SNTG1: variants seen among roughly 807,000 people sequenced by gnomAD.
SNTG1 encodes gamma-1-syntrophin.
SNTG1 carries 39 observed loss-of-function variants against 74.7 expected under a neutral mutation model. The observed-to-expected ratio is 0.52, with a 90% CI of 0.40 to 0.68. SNTG1 has a LOEUF of 0.68. Ranked by LOEUF, SNTG1 falls within the 30% of genes least tolerant of loss-of-function variation. The probability of loss-of-function intolerance (pLI) is 0.00; values close to 1 mark genes in which losing one functional copy is unlikely to be tolerated. For missense variants in SNTG1, 685 were observed against 609.5 expected, an observed-to-expected ratio of 1.12 and a Z score of -1.30; for synonymous variants, 254 against 217.1, an observed-to-expected ratio of 1.17 and a Z score of -1.49.
At chr8:50,176,680 G>C (rs1376725396) in intron 2 of SNTG1, among the ~76,000 whole-genome samples, 1 of 152,126 alleles carries the variant, frequency 6.6e-6, no homozygotes, top group African/African-American at 2.4e-5. Flanking sequence ...TGTGATCTCA[G>C]GATTAACTGG....
Position 50,725,649 on chromosome 8 carries a change from A to C in SNTG1, c.1284+16671A>C, listed in dbSNP as rs190039347. The stretch of plus-strand genomic sequence containing the variant: ...CCCCGTTGAAAGATTGCCTGATGCC[A>C]GAGGACAGGTTGCAGCAAGCAGGCT... On this transcript the variant is annotated intron_variant, in intron 17 of 18. Coordinates refer to ENST00000642720, the MANE Select transcript of SNTG1 (RefSeq NM_018967.5). 9.1e-4 allele frequency among the ~76,000 whole-genome samples: 138 copies of C among 152,260 alleles called. 2 individuals carry two copies. The highest frequency in any genetic ancestry group is 6.8e-3 in the Middle Eastern group (2 of 294).
intron 13 of SNTG1, among the ~76,000 whole-genome samples, chr8:50,626,818 TGGCCAGTTTTGG>T (rs1489455484): frequency 6.6e-6 from 1 of 152,180 alleles, no homozygotes; most frequent in African/African-American, 2.4e-5. Context: ...ATTTTGTTTA[TGGCCAGTTTTGG>T]GGCCAGTTTT....
At chr8:50,136,808 C>CACA (rs1050354906) in intron 1 of SNTG1, among the ~76,000 whole-genome samples, 1 of 152,248 alleles carries the variant, frequency 6.6e-6, no homozygotes, top group African/African-American at 2.4e-5. Flanking sequence ...CATGGCAACT[C>CACA]ACAGGGACTC....
At chr8:50,191,015 C>T (rs1396541100) in intron 2 of SNTG1, among the ~76,000 whole-genome samples, 2 of 152,124 alleles carry the variant, frequency 1.3e-5, no homozygotes, top group African/African-American at 2.4e-5. Context: ...ATAAGCACTT[C>T]GCTATTTTTT....
chr8:50,773,885 A>G (rs2095633438), intron 18 of SNTG1, among the ~76,000 whole-genome samples: 1 of 152,158 alleles, frequency 6.6e-6, no homozygotes, highest in Non-Finnish European at 1.5e-5. Context: ...GACCAAATAG[A>G]GAATGTTAAT....
chr8:50,502,154 C>T (rs533256483), intron 8 of SNTG1, among the ~76,000 whole-genome samples: 3 of 152,148 alleles, frequency 2.0e-5, no homozygotes, highest in East Asian at 1.9e-4. Context: ...CATTATATTA[C>T]AACTGATGCT....
At chr8:50,165,279 T>C (rs2082573277) in intron 1 of SNTG1, among the ~76,000 whole-genome samples, 1 of 152,178 alleles carries the variant, frequency 6.6e-6, no homozygotes, top group Non-Finnish European at 1.5e-5. Context: ...CAGCAAGTTG[T>C]CAGAGTGAGA....
At chr8:50,090,440 A>G (rs1473706126) in intron 1 of SNTG1, among the ~76,000 whole-genome samples, 1 of 152,138 alleles carries the variant, frequency 6.6e-6, no homozygotes, top group African/African-American at 2.4e-5. Flanking sequence ...TGGTGGTAAG[A>G]TAGCTTCAGT....
intron 18 of SNTG1, among the ~76,000 whole-genome samples, chr8:50,772,325 T>C (rs2095629249): frequency 6.6e-6 from 1 of 152,130 alleles, no homozygotes; most frequent in Admixed American, 6.6e-5. Flanking sequence ...TAAAATAAAA[T>C]TATCCTGGAG....
chr8:50,058,352 C>A (rs1820198417), intron 1 of SNTG1, among the ~76,000 whole-genome samples: 1 of 152,110 alleles, frequency 6.6e-6, no homozygotes. Flanking sequence ...TCAGTGGTTT[C>A]TAAATACACT....
intron 13 of SNTG1, among the ~76,000 whole-genome samples, chr8:50,624,159 A>AACC (rs1186431992): frequency 7.9e-5 from 12 of 152,054 alleles, no homozygotes; most frequent in Admixed American, 2.0e-4. Context: ...TTATACACAT[A>AACC]GTCATATATC....
At chr8:50,143,733 A>G (rs541493491) in intron 1 of SNTG1, among the ~76,000 whole-genome samples, 22 of 152,268 alleles carry the variant, frequency 1.4e-4, no homozygotes, top group Non-Finnish European at 2.6e-4. Context: ...TTTAGAGTGT[A>G]TTTTAGTATA....
intron 8 of SNTG1, among the ~76,000 whole-genome samples, chr8:50,487,059 T>A (rs1472223718): frequency 6.6e-6 from 1 of 152,062 alleles, no homozygotes; most frequent in Non-Finnish European, 1.5e-5. Context: ...TTGCCAGACA[T>A]TTATGCAGCC....
At chr8:49,920,996 C>A (rs1806488324) in intron 1 of SNTG1, among the ~76,000 whole-genome samples, 2 of 152,002 alleles carry the variant, frequency 1.3e-5, no homozygotes, top group African/African-American at 4.8e-5. Flanking sequence ...GATGTGATAT[C>A]TGACATGGGA....
intron 12 of SNTG1, among the ~76,000 whole-genome samples, chr8:50,557,431 A>G (rs1025867175): frequency 3.9e-5 from 6 of 152,198 alleles, no homozygotes; most frequent in African/African-American, 1.4e-4. Context: ...GGTGCCTTCA[A>G]ACAACAGAAA....
chr8:50,442,041 A>G (rs1356014015), intron 5 of SNTG1, among the ~76,000 whole-genome samples: 1 of 152,230 alleles, frequency 6.6e-6, no homozygotes, highest in Non-Finnish European at 1.5e-5. Context: ...GTCCAGCTTT[A>G]GCGCATGCTG....
intron 1 of SNTG1, among the ~76,000 whole-genome samples, chr8:50,003,047 C>A (rs1251106341): frequency 6.6e-6 from 1 of 152,064 alleles, no homozygotes; most frequent in African/African-American, 2.4e-5. Flanking sequence ...GAAGAATAGG[C>A]AAATCTATAG....
At chr8:50,763,884 CACACACACACACACACACACACAA>C (rs1226604063) in intron 18 of SNTG1, among the ~76,000 whole-genome samples, 19 of 141,784 alleles carry the variant, frequency 1.3e-4, no homozygotes, top group East Asian at 6.3e-4. Context: ...CACACACACA[CACACACACACACACACACACACAA>C]AAATAACCAA....
chr8:50,601,355 T>C (rs1185260057), intron 13 of SNTG1, among the ~76,000 whole-genome samples: 1 of 152,014 alleles, frequency 6.6e-6, no homozygotes, highest in Non-Finnish European at 1.5e-5. Flanking sequence ...GGTTTTTCAA[T>C]TTCCCTCTTA....
Sources: allele counts gnomAD v4.1 joint callset (sites outside exome capture counted in the v4.1 genomes callset), GRCh38; gene constraint gnomAD v4.1.1; transcripts MANE v1.5; gene names NCBI Gene and HGNC (gene_info 2026-07-23, HGNC 2026-07-21).